ITIH5: variants seen among roughly 807,000 people sequenced by gnomAD.
ITIH5 encodes the protein inter-alpha-trypsin inhibitor heavy chain H5.
Under a neutral mutation model 77.5 loss-of-function variants are expected in ITIH5, and 65 were observed. The ratio of observed to expected loss-of-function variants is 0.84; its 90% confidence interval spans 0.69 to 1.03. ITIH5 has a LOEUF of 1.03. ITIH5 is among the 50% of genes least tolerant of loss of function. ITIH5 has a pLI of 0.00. For missense variants in ITIH5, 1,208 were observed against 1,213.1 expected (o/e 1.00, Z 0.06); for synonymous variants, 525 against 494.3 (o/e 1.06, Z -0.82).
At chr10:7,608,792 C>T (rs533857559) in intron 7 of ITIH5, among the ~76,000 whole-genome samples, 9 of 152,348 alleles carry the variant, frequency 5.9e-5, no homozygotes, top group South Asian at 4.1e-4. Context: ...TCCCCATACA[C>T]GCCCAAGGAG....
chr10:7,604,044 T>C (rs1341684729), intron 7 of ITIH5, among the ~76,000 whole-genome samples: 1 of 152,182 alleles, frequency 6.6e-6, no homozygotes, highest in African/African-American at 2.4e-5. Context: ...CTGCAGGAGC[T>C]TCCCAGGCAC....
At chr10:7,584,179 T>C (rs943373971) in intron 8 of ITIH5, among the ~76,000 whole-genome samples, 3 of 152,212 alleles carry the variant, frequency 2.0e-5, no homozygotes, top group African/African-American at 7.2e-5. Flanking sequence ...AGCAGGCTGA[T>C]CTGCTGTTCA....
At chr10:7,660,594 C>T (rs890121092) in intron 1 of ITIH5, among the ~76,000 whole-genome samples, 2 of 152,186 alleles carry the variant, frequency 1.3e-5, no homozygotes, top group Non-Finnish European at 2.9e-5. Context: ...AAAAACCTGC[C>T]AGTGCCGCTT....
chr10:7,568,667 T>C (rs570081458), intron 12 of ITIH5, among the ~76,000 whole-genome samples: 40 of 152,310 alleles, frequency 2.6e-4, no homozygotes, highest in South Asian at 4.1e-4. Flanking sequence ...CAAGACACGT[T>C]CTCAGCAGTG....
intron 9 of ITIH5, 25 bp from the exon 10 acceptor site, chr10:7,577,037 G>A (rs760658081): frequency 7.0e-6 from 11 of 1,578,444 alleles, no homozygotes; most frequent in Middle Eastern, 1.7e-4. Flanking sequence ...CAGGGAGGGA[G>A]GGAGATCAGG....
chr10:7,609,332 C>A, intron 7 of ITIH5: 1 of 402,956 alleles, frequency 2.5e-6, no homozygotes, highest in South Asian at 1.9e-5. Context: ...AATGTCATTA[C>A]CCACTGTCTG....
In ITIH5 at chr10:7,586,030, G is replaced by C; in HGVS notation, c.979C>G (p.Pro327Ala). 6.2e-7 allele frequency: 1 copy of C among 1,613,918 alleles called. No homozygotes were observed. The highest frequency in any genetic ancestry group is 8.5e-7 in the Non-Finnish European group (1 of 1,179,964). The change falls in exon 8 of 14, where the codon CCC (proline) becomes GCC (alanine). Residue 327 changes from proline to alanine, a missense_variant. Coordinates refer to ENST00000397146, the MANE Select transcript of ITIH5 (RefSeq NM_030569.7). ...ALFTILHDLR[P>A]QDRFSIIGFS... ...CCAATGATACTGAAACGGTCCTGGG[G>C]TCGGAGGTCATGGAGAATTGTGAAG...
At chr10:7,586,124 C>G in intron 7 of ITIH5, 55 bp from the exon 8 acceptor site, 1 of 1,512,088 alleles carries the variant, frequency 6.6e-7, no homozygotes, top group Non-Finnish European at 8.9e-7. Context: ...GTCCACTTGT[C>G]CCCTGTTCTA....
intron 1 of ITIH5, among the ~76,000 whole-genome samples, chr10:7,664,604 C>T (rs1194608897): frequency 1.3e-5 from 2 of 152,040 alleles, no homozygotes; most frequent in African/African-American, 4.8e-5. Context: ...TACTGAGTAC[C>T]CACTGTCTAC....
chr10:7,644,724 A>C (rs1483667199), intron 2 of ITIH5, among the ~76,000 whole-genome samples: 1 of 137,650 alleles, frequency 7.3e-6, no homozygotes, highest in African/African-American at 2.8e-5. Context: ...TATCATATAT[A>C]TCACATATCT....
rs1248975589 is a variant in ITIH5 at position 7,585,830 on chromosome 10, A to AAAC, written c.1108+70_1108+71insGTT. 6,060 of 1,206,124 alleles carry AAAC rather than the reference A, an allele frequency of 5.0e-3. 5 individuals are homozygous for AAAC. Among genetic ancestry groups the AAAC allele is most frequent in the East Asian group, 0.011 (365 of 33,306 alleles). The allele number at this position is 1,206,124 out of a possible 1,614,324, so 74.7% of individuals were successfully genotyped here. On this transcript the variant is annotated intron_variant, in intron 8 of 13. Coordinates refer to ENST00000397146, the MANE Select transcript of ITIH5 (RefSeq NM_030569.7). ...TTCAAATCCTTATCTCTTGGCAAAA[A>AAAC]AAAAAAAAAACCAAAAAAAAAAACA... is the stretch of plus-strand genomic sequence containing the variant.
chr10:7,576,559 C>G lies in ITIH5; in HGVS notation c.1872G>C (p.Arg624Ser). Reference sequence around the variant, plus strand: ...GGCCATCCATGCGTGGGACCGGCCCCCTCAGCTTCATGGAGGTGAAGGGAG... The same window carrying G: ...GGCCATCCATGCGTGGGACCGGCCCGCTCAGCTTCATGGAGGTGAAGGGAG... ...FLTPFTSMKL[R>S]GPVPRMDGLE... is the part of the protein sequence containing the mutation. Residue 624 changes from arginine (R) to serine (S), a missense_variant, in exon 10 of 14, where the codon AGG becomes AGC. Physicochemically the swap from Arg to Ser is moderately radical, Grantham distance 110 (BLOSUM62 -1). Coordinates refer to ENST00000397146, the MANE Select transcript of ITIH5 (RefSeq NM_030569.7). The G allele has an allele frequency of 1.2e-6, 2 of 1,613,848 alleles. No homozygotes were observed. The highest frequency in any genetic ancestry group is 1.7e-6 in the Non-Finnish European group (2 of 1,180,028).
chr10:7,619,572 T>A, intron 5 of ITIH5: 1 of 383,752 alleles, frequency 2.6e-6, no homozygotes, highest in Non-Finnish European at 5.4e-6. Flanking sequence ...AGAGGTTTAA[T>A]TGACTCACAG....
chr10:7,572,327 G>T (rs1244714763), intron 11 of ITIH5: 1 of 1,367,436 alleles, frequency 7.3e-7, no homozygotes, highest in African/African-American at 1.5e-5. Flanking sequence ...TTTTATTATA[G>T]TTCCAGGATG....
intron 7 of ITIH5, chr10:7,609,622 C>T (rs1191471812): frequency 8.1e-6 from 3 of 372,322 alleles, no homozygotes; most frequent in Non-Finnish European, 1.6e-5. Flanking sequence ...TTTAACTTGA[C>T]AATTACAGAT....
intron 6 of ITIH5, 25 bp from the exon 7 acceptor site, chr10:7,616,123 A>G: frequency 7.2e-7 from 1 of 1,382,884 alleles, no homozygotes; most frequent in African/African-American, 1.4e-5. Flanking sequence ...AGAAAGTAAA[A>G]ACGGTAGTAC....
At chr10:7,648,214 A>T (rs1834036438) in intron 2 of ITIH5, among the ~76,000 whole-genome samples, 1 of 151,248 alleles carries the variant, frequency 6.6e-6, no homozygotes, top group Non-Finnish European at 1.5e-5. Context: ...ACTGCACTCC[A>T]GCCTGGGCGA....
chr10:7,617,919 T>C (rs1441902810), intron 5 of ITIH5: 4 of 152,200 alleles, frequency 2.6e-5, no homozygotes, highest in East Asian at 3.8e-4. Context: ...TCCACCTCTT[T>C]TGTGATGCTG....
rs1164609491 is a variant in ITIH5 at position 7,629,230 on chromosome 10, CCCATGTTGTAGCGTGTGT to C, written c.652+7980_652+7997del. Among the ~76,000 whole-genome samples the C allele has an allele frequency of 8.1e-3, 284 of 35,216 alleles. 17 individuals are homozygous for C. In the East Asian group the frequency reaches 0.11, roughly 13 times the overall value. The allele number at this position is 35,216 out of a possible 152,430, so 23.1% of individuals were successfully genotyped here. ...GCGTGTGTCCCTGTTGTAGCGTGTG[CCCATGTTGTAGCGTGTGT>C]CCATGTTGTAGCGTGTGTCCATGTT... On this transcript the variant is annotated intron_variant, in intron 5 of 13. Coordinates refer to ENST00000397146, the MANE Select transcript of ITIH5 (RefSeq NM_030569.7).
Sources: allele counts gnomAD v4.1 joint callset (sites outside exome capture counted in the v4.1 genomes callset), GRCh38; gene constraint gnomAD v4.1.1; transcripts MANE v1.5; gene names NCBI Gene and HGNC (gene_info 2026-07-23, HGNC 2026-07-21).